RAP1GDS1: variants seen among roughly 807,000 people sequenced by gnomAD.
RAP1GDS1 encodes the protein Rap1 GTPase-GDP dissociation stimulator 1, also known as RAP1, GTP-GDP dissociation stimulator 1.
A neutral mutation model predicts 71.1 loss-of-function variants in RAP1GDS1; 35 were observed. The observed-to-expected ratio is 0.49, with a 90% CI of 0.38 to 0.65. RAP1GDS1 has a LOEUF of 0.65. Among genes scored for constraint, RAP1GDS1 ranks in the 30% least tolerant of loss-of-function variants. The pLI, the probability that RAP1GDS1 is intolerant of heterozygous loss-of-function variation, is 0.00. For synonymous variants in RAP1GDS1, 229 were observed against 243.1 expected, an observed-to-expected ratio of 0.94 and a Z score of 0.54; for missense variants, 663 against 706.1, an observed-to-expected ratio of 0.94 and a Z score of 0.69.
At chr4:98,330,552 G>A (rs1733818567) in intron 2 of RAP1GDS1, among the ~76,000 whole-genome samples, 1 of 149,830 alleles carries the variant, frequency 6.7e-6, no homozygotes, top group South Asian at 2.1e-4. Flanking sequence ...AGACGGGGCG[G>A]CCGGACAGAG....
At chr4:98,366,111 T>G (rs917861929) in intron 4 of RAP1GDS1, among the ~76,000 whole-genome samples, 10 of 152,216 alleles carry the variant, frequency 6.6e-5, no homozygotes, top group Non-Finnish European at 1.3e-4. Context: ...GTGATATGGT[T>G]TGGCTACATC....
chr4:98,349,757 G>C (rs1736870248), intron 3 of RAP1GDS1, among the ~76,000 whole-genome samples: 1 of 151,686 alleles, frequency 6.6e-6, no homozygotes, highest in South Asian at 2.1e-4. Context: ...CTCATGATTT[G>C]GCTCTCTGTT....
rs34393905 is a variant in RAP1GDS1 at position 98,363,478 on chromosome 4, CAA to C, written c.361+10903_361+10904del. On this transcript the variant is annotated intron_variant, in intron 4 of 14. Coordinates refer to ENST00000408927, the MANE Select transcript of RAP1GDS1 (RefSeq NM_001100427.2). ...CCTAAATAACAGTGAGACCCTGTCT[CAA>C]AAAAAAAAAAAAAAAAAAAAAAAAA... 8.0e-3 allele frequency among the ~76,000 whole-genome samples: 300 copies of C among 37,674 alleles called. 1 individual carries two copies. Among genetic ancestry groups the C allele is most frequent in the African/African-American group, 0.025 (254 of 10,072 alleles). The allele number at this position is 37,674 out of a possible 152,430, so 24.7% of individuals were successfully genotyped here. A position where few individuals can be genotyped will look rare whatever the true frequency, so the allele number is the denominator to read the frequency against.
chr4:98,437,027 A>G lies in RAP1GDS1; in HGVS notation c.1655A>G (p.Lys552Arg). ...GATGAGAGAAGTGCTCCTGAAATCA[A>G]ATATAATTCCATGGTCCTGATATGT... Reference protein sequence around the residue: ...LADERSAPEIKYNSMVLICAL... With the variant: ...LADERSAPEIRYNSMVLICAL... The change falls in exon 14 of 15, where the codon AAA becomes AGA. Residue 552 changes from lysine (K) to arginine (R), a missense_variant. Lys to Arg is a conservative substitution (Grantham distance 26, BLOSUM62 2). Coordinates refer to ENST00000408927, the MANE Select transcript of RAP1GDS1 (RefSeq NM_001100427.2). The G allele has an allele frequency of 1.9e-6, 3 of 1,612,714 alleles. No individual in the cohort carries two copies. The highest frequency in any genetic ancestry group is 1.1e-5 in the South Asian group (1 of 90,886).
chr4:98,336,222 G>C (rs1189931664), intron 2 of RAP1GDS1, among the ~76,000 whole-genome samples: 1 of 152,024 alleles, frequency 6.6e-6, no homozygotes. Flanking sequence ...GAACAATCTA[G>C]TTATATACTC....
intron 4 of RAP1GDS1, among the ~76,000 whole-genome samples, chr4:98,365,977 A>G (rs914207429): frequency 6.6e-6 from 1 of 152,256 alleles, no homozygotes; most frequent in Non-Finnish European, 1.5e-5. Context: ...AAGTAATAGG[A>G]CAGAAACAAA....
chr4:98,343,158 A>C lies in RAP1GDS1; in HGVS notation c.132A>C (p.Lys44Asn). 6.2e-7 allele frequency: 1 copy of C among 1,608,758 alleles called. No homozygotes were observed. Among genetic ancestry groups the C allele is most frequent in the Non-Finnish European group, 8.5e-7 (1 of 1,176,844 alleles). The change falls in exon 3 of 15, where the codon AAA becomes AAC. Residue 44 changes from lysine (K) to asparagine (N), a missense_variant. Coordinates refer to ENST00000408927, the MANE Select transcript of RAP1GDS1 (RefSeq NM_001100427.2). ...TTTTAGATACGGAAACAAGTGAAAA[A>C]ATCCAAGCAAGTGGAATACTTCAGC... is the stretch of plus-strand genomic sequence containing the variant. ...LAQNNTETSE[K>N]IQASGILQLF...
intron 12 of RAP1GDS1, among the ~76,000 whole-genome samples, chr4:98,422,047 A>G (rs1748950133): frequency 6.6e-6 from 1 of 151,576 alleles, no homozygotes; most frequent in South Asian, 2.1e-4. Flanking sequence ...AATACAAAAA[A>G]AAATTAGCTG....
rs185072079 is a variant in RAP1GDS1 at position 98,373,047 on chromosome 4, A to G, written c.362-5970A>G. On this transcript the variant is annotated intron_variant, in intron 4 of 14. Coordinates refer to ENST00000408927, the MANE Select transcript of RAP1GDS1 (RefSeq NM_001100427.2). The stretch of plus-strand genomic sequence containing the variant: ...AAAATAGGAGAAAAACTGTCTTAAC[A>G]TACTTTTATCATTTTCAGTGCACTA... Among the ~76,000 whole-genome samples, 109 of 152,372 alleles carry G rather than the reference A, an allele frequency of 7.2e-4. 1 individual carries two copies. Among genetic ancestry groups the G allele is most frequent in the African/African-American group, 2.5e-3 (102 of 41,606 alleles).
intron 1 of RAP1GDS1, among the ~76,000 whole-genome samples, chr4:98,272,527 C>T (rs1162771541): frequency 1.3e-5 from 2 of 152,110 alleles, no homozygotes; most frequent in East Asian, 1.9e-4. Context: ...TGTGGTCGGA[C>T]GTTGTCATGG....
chr4:98,341,091 G>A (rs12509417), intron 2 of RAP1GDS1, among the ~76,000 whole-genome samples: 10,051 of 152,060 alleles, frequency 0.066, 379 homozygotes, highest in Admixed American at 0.13. Flanking sequence ...GAGTGATAAA[G>A]TACAAATTTG....
intron 2 of RAP1GDS1, among the ~76,000 whole-genome samples, chr4:98,342,578 C>T (rs1735642008): frequency 6.6e-6 from 1 of 152,010 alleles, no homozygotes; most frequent in South Asian, 2.1e-4. Context: ...TGGGTTTTTG[C>T]AGTGTACTAT....
intron 3 of RAP1GDS1, among the ~76,000 whole-genome samples, chr4:98,345,195 C>A (rs937446822): frequency 2.0e-5 from 3 of 152,070 alleles, no homozygotes; most frequent in African/African-American, 7.2e-5. Context: ...CAACATAGTA[C>A]ACTGATTGGG....
At chr4:98,418,916 A>G in intron 10 of RAP1GDS1, 125 bp downstream of exon 10, 4 of 996,756 alleles carry the variant, frequency 4.0e-6, no homozygotes, top group Non-Finnish European at 5.4e-6. Context: ...TAGTCTTCAC[A>G]TTGTTCACAT....
At chr4:98,278,307 T>C (rs1461668520) in intron 1 of RAP1GDS1, among the ~76,000 whole-genome samples, 2 of 152,212 alleles carry the variant, frequency 1.3e-5, no homozygotes, top group Non-Finnish European at 2.9e-5. Context: ...TTACTTCTTA[T>C]TATCTTATAT....
intron 7 of RAP1GDS1, 117 bp downstream of exon 7, chr4:98,404,719 T>G (rs1051012768): frequency 4.9e-6 from 6 of 1,228,728 alleles, no homozygotes; most frequent in Admixed American, 5.3e-5. Flanking sequence ...GTGATATGTT[T>G]TATTTTGCAT....
Position 98,420,059 on chromosome 4 carries a change from G to A in RAP1GDS1, c.1215G>A (p.Glu405=), listed in dbSNP as rs1366179319. ...KAKMLSAGVT[E]AVLKFLKSEM... Reference sequence around the variant, plus strand: ...AGATGTTATCAGCTGGGGTCACAGAGGCAGTTTTGAAATTTCTTAAATCTG... The same window carrying A: ...AGATGTTATCAGCTGGGGTCACAGAAGCAGTTTTGAAATTTCTTAAATCTG... Residue 405 remains glutamate, a synonymous_variant, in exon 11 of 15, where the codon GAG becomes GAA. Transcript: ENST00000408927. 6.2e-7 allele frequency: 1 copy of A among 1,607,046 alleles called. No individual in the cohort carries two copies. The highest frequency in any genetic ancestry group is 1.3e-5 in the African/African-American group (1 of 74,730).
chr4:98,297,267 AT>A (rs1727919706), intron 2 of RAP1GDS1, among the ~76,000 whole-genome samples: 1 of 151,710 alleles, frequency 6.6e-6, no homozygotes, highest in Non-Finnish European at 1.5e-5. Flanking sequence ...CTTGTTCTTT[AT>A]TTCATTTGTT....
intron 1 of RAP1GDS1, among the ~76,000 whole-genome samples, chr4:98,271,552 TATA>T (rs1426947904): frequency 1.3e-5 from 2 of 152,284 alleles, no homozygotes; most frequent in African/African-American, 4.8e-5. Context: ...CATTAGCACA[TATA>T]ATAGTAAAAT....
Sources: gnomAD v4.1 joint callset for allele counts (sites outside exome capture counted in the v4.1 genomes callset) on GRCh38, gnomAD v4.1.1 for gene constraint, MANE v1.5 for transcripts, NCBI Gene and HGNC (gene_info 2026-07-23, HGNC 2026-07-21) for gene names.